NRXN1: variants seen among roughly 807,000 people sequenced by gnomAD.
The protein encoded by NRXN1 is neurexin 1.
NRXN1 carries 39 observed loss-of-function variants against 150.9 expected under a neutral mutation model. The ratio of observed to expected loss-of-function variants is 0.26; its 90% confidence interval spans 0.20 to 0.34. The LOEUF is 0.34. Ranked by LOEUF, NRXN1 falls within the 10% of genes least tolerant of loss-of-function variation. NRXN1 has a pLI of 1.00. For synonymous variants in NRXN1, 924 were observed against 757.0 expected, an observed-to-expected ratio of 1.22 and a Z score of -3.62; for missense variants, 1,815 against 1,949.9, an observed-to-expected ratio of 0.93 and a Z score of 1.30.
chr2:50,076,333 T>A (rs903192778), intron 19 of NRXN1, among the ~76,000 whole-genome samples: 6 of 151,878 alleles, frequency 4.0e-5, no homozygotes, highest in Non-Finnish European at 8.8e-5. Context: ...TAGTGACTAT[T>A]GCAGTTGCAG....
At chr2:50,376,512 T>C (rs1327526808) in intron 17 of NRXN1, among the ~76,000 whole-genome samples, 3 of 152,218 alleles carry the variant, frequency 2.0e-5, no homozygotes, top group East Asian at 3.8e-4. Flanking sequence ...TTTGATGCTG[T>C]ACTTTTTGTA....
Position 50,528,657 on chromosome 2 carries a change from T to A in NRXN1, c.2348-6A>T. The A allele has an allele frequency of 6.5e-7, 1 of 1,543,396 alleles. No homozygotes were observed. Among genetic ancestry groups the A allele is most frequent in the Non-Finnish European group, 8.9e-7 (1 of 1,126,188 alleles). On this transcript the variant is annotated splice_region_variant and splice_polypyrimidine_tract_variant and intron_variant, in intron 11 of 22. Coordinates refer to ENST00000401669, the MANE Select transcript of NRXN1 (RefSeq NM_001330078.2). Reference sequence around the variant, plus strand: ...ACAGTTAATCCTGATACAATCTAGATGGGGAAGAATAGATGAAAAATGAAA... The same window carrying A: ...ACAGTTAATCCTGATACAATCTAGAAGGGGAAGAATAGATGAAAAATGAAA...
chr2:50,317,343 T>A (rs528912142), intron 17 of NRXN1, among the ~76,000 whole-genome samples: 1 of 151,716 alleles, frequency 6.6e-6, no homozygotes, highest in South Asian at 2.1e-4. Flanking sequence ...TAATTGAAAA[T>A]GCAAGGAAAG....
At chr2:50,851,249 G>T (rs566697195) in intron 5 of NRXN1, among the ~76,000 whole-genome samples, 1 of 152,100 alleles carries the variant, frequency 6.6e-6, no homozygotes, top group Non-Finnish European at 1.5e-5. Context: ...AGGGTGAGGG[G>T]TGAGGGTGAC....
intron 18 of NRXN1, among the ~76,000 whole-genome samples, chr2:50,204,226 A>T (rs2062399160): frequency 6.6e-6 from 1 of 152,100 alleles, no homozygotes; most frequent in South Asian, 2.1e-4. Context: ...TTAAAATTTG[A>T]AAGAAATAAA....
At chr2:50,019,614 C>T (rs1463351857) in intron 21 of NRXN1, among the ~76,000 whole-genome samples, 1 of 103,990 alleles carries the variant, frequency 9.6e-6, no homozygotes, top group African/African-American at 4.0e-5. Context: ...TGCACTCCAG[C>T]CTGTAAGAAG....
chr2:49,947,514 C>CTTTTTTTTTTTTTTTTTTTT (rs199991365), intron 21 of NRXN1, among the ~76,000 whole-genome samples: 4 of 109,002 alleles, frequency 3.7e-5, no homozygotes, highest in East Asian at 2.5e-4. Context: ...TTTTTTTTTT[C>CTTTTTTTTTTTTTTTTTTTT]TTTTTTTTTT....
At chr2:50,420,034 G>C (rs1439767296) in intron 17 of NRXN1, among the ~76,000 whole-genome samples, 2 of 152,042 alleles carry the variant, frequency 1.3e-5, no homozygotes, top group African/African-American at 2.4e-5. Context: ...CAGAGATAAA[G>C]AGGATTTGGG....
intron 18 of NRXN1, among the ~76,000 whole-genome samples, chr2:50,205,811 T>C (rs565428608): frequency 8.5e-5 from 13 of 152,230 alleles, no homozygotes; most frequent in Non-Finnish European, 1.5e-4. Flanking sequence ...ACAACATGGA[T>C]GAACCTTGAA....
chr2:50,739,924 A>G (rs1453592156), intron 5 of NRXN1, among the ~76,000 whole-genome samples: 4 of 152,160 alleles, frequency 2.6e-5, no homozygotes, highest in African/African-American at 9.6e-5. Context: ...TGCTGAAAAA[A>G]TTATCTGTGA....
intron 17 of NRXN1, among the ~76,000 whole-genome samples, chr2:50,278,512 A>C (rs2070968120): frequency 6.6e-6 from 1 of 150,654 alleles, no homozygotes; most frequent in African/African-American, 2.4e-5. Flanking sequence ...ATCTGAGTGA[A>C]ACCGTTTGAA....
At chr2:50,069,179 T>G (rs1297690628) in intron 19 of NRXN1, among the ~76,000 whole-genome samples, 1 of 152,142 alleles carries the variant, frequency 6.6e-6, no homozygotes, top group Non-Finnish European at 1.5e-5. Flanking sequence ...TTTTAATCCA[T>G]ATATTAATGC....
intron 2 of NRXN1, among the ~76,000 whole-genome samples, chr2:50,975,723 AT>A (rs918098540): frequency 9.2e-5 from 14 of 152,146 alleles, no homozygotes; most frequent in African/African-American, 3.1e-4. Flanking sequence ...GATTCCTTGA[AT>A]TCACACGGGA....
At position 49,918,902 on chromosome 2, in the gene NRXN1, C is replaced by G. The variant is rs1304343791; in HGVS notation, c.*3042G>C. ...ATTTTATTAACAAAACAGTAAATTC[C>G]ACTTGCTTAGCATTTCCAATAATGG... On this transcript the variant is annotated 3_prime_UTR_variant, in exon 23 of 23. Coordinates refer to ENST00000401669, the MANE Select transcript of NRXN1 (RefSeq NM_001330078.2). The G allele has an allele frequency of 6.6e-6, 1 of 151,970 alleles. No homozygotes were observed. The highest frequency in any genetic ancestry group is 1.5e-5 in the Non-Finnish European group (1 of 67,960). The allele number at this position is 151,970 out of a possible 1,614,324, so 9.4% of individuals were successfully genotyped here. A position where few individuals can be genotyped will look rare whatever the true frequency, so the allele number is the denominator to read the frequency against.
chr2:49,942,304 T>C (rs1474527302), intron 22 of NRXN1, among the ~76,000 whole-genome samples: 1 of 152,100 alleles, frequency 6.6e-6, no homozygotes, highest in Admixed American at 6.6e-5. Context: ...ACTGCCGAGC[T>C]CTTCCCCCTC....
intron 17 of NRXN1, among the ~76,000 whole-genome samples, chr2:50,392,385 T>C (rs1426587985): frequency 6.6e-6 from 1 of 152,122 alleles, no homozygotes; most frequent in East Asian, 1.9e-4. Context: ...TTTACTATAC[T>C]AGCGTTTTGA....
At chr2:50,233,751 G>C (rs1462673462) in intron 18 of NRXN1, among the ~76,000 whole-genome samples, 1 of 152,018 alleles carries the variant, frequency 6.6e-6, no homozygotes, top group African/African-American at 2.4e-5. Context: ...TAATTTTTAA[G>C]TCAGTTATAT....
intron 5 of NRXN1, among the ~76,000 whole-genome samples, chr2:50,856,614 C>T (rs1426148186): frequency 2.0e-5 from 3 of 151,910 alleles, no homozygotes; most frequent in African/African-American, 7.3e-5. Flanking sequence ...TCCACATTTC[C>T]CCCTAAATTT....
chr2:49,941,206 T>A (rs1360894404), intron 22 of NRXN1, among the ~76,000 whole-genome samples: 1 of 151,872 alleles, frequency 6.6e-6, no homozygotes, highest in Non-Finnish European at 1.5e-5. Flanking sequence ...AACATGATTG[T>A]TTCAGATAGT....
Sources: allele counts gnomAD v4.1 joint callset (sites outside exome capture counted in the v4.1 genomes callset), GRCh38; gene constraint gnomAD v4.1.1; transcripts MANE v1.5; gene names NCBI Gene and HGNC (gene_info 2026-07-23, HGNC 2026-07-21).